SP140: variants seen among roughly 807,000 people sequenced by gnomAD.
SP140 encodes the protein SP140 nuclear body protein.
Under a neutral mutation model 125.0 loss-of-function variants are expected in SP140, and 81 were observed. The observed-to-expected ratio is 0.65, with a 90% CI of 0.54 to 0.78. SP140 has a LOEUF of 0.78. Ranked by LOEUF, SP140 falls within the 30% of genes least tolerant of loss-of-function variation. The pLI, the probability that SP140 is intolerant of heterozygous loss-of-function variation, is 0.00. For synonymous variants in SP140, 312 were observed against 354.0 expected, an observed-to-expected ratio of 0.88 and a Z score of 1.33; for missense variants, 858 against 1,037.0, an observed-to-expected ratio of 0.83 and a Z score of 2.37.
intron 1 of SP140, among the ~76,000 whole-genome samples, chr2:230,206,612 TA>T (rs2043871265): frequency 3.1e-5 from 2 of 64,670 alleles, no homozygotes; most frequent in Admixed American, 1.6e-4. Context: ...TATATATATA[TA>T]TATATATATA....
intron 18 of SP140, among the ~76,000 whole-genome samples, chr2:230,289,244 G>T (rs567787260): frequency 9.2e-5 from 14 of 152,270 alleles, no homozygotes; most frequent in Admixed American, 9.2e-4. Flanking sequence ...ATTCATGTTT[G>T]TTGGCCAGAT....
chr2:230,209,252 T>C (rs984813611), intron 1 of SP140, among the ~76,000 whole-genome samples: 1 of 152,018 alleles, frequency 6.6e-6, no homozygotes, highest in African/African-American at 2.4e-5. Context: ...AGGCCAAGAA[T>C]TGGTGGAGGA....
At chr2:230,239,314 G>A (rs1442515327) in intron 3 of SP140, among the ~76,000 whole-genome samples, 1 of 152,146 alleles carries the variant, frequency 6.6e-6, no homozygotes, top group Non-Finnish European at 1.5e-5. Flanking sequence ...TAGTATTTGT[G>A]TATAACCTAT....
In SP140 at chr2:230,241,421, C is replaced by T. The variant is rs889653281; in HGVS notation, c.424C>T (p.Pro142Ser). 3.1e-6 allele frequency: 5 copies of T among 1,595,534 alleles called. No homozygotes were observed. In the Admixed American group the frequency reaches 5.0e-5, roughly 16 times the overall value. ...TTCCTCAGTATGCTATGAACACTCA[C>T]CTCTCCAAATGAATAATGTAAACGA... ...SFQNVCYEHSPLQMNNVNDLE... is the reference protein window; with the variant it reads ...SFQNVCYEHSSLQMNNVNDLE... The change falls in exon 4 of 27, where the codon CCT becomes TCT. Residue 142 changes from proline (P) to serine (S), a missense_variant. Transcript: ENST00000392045.
At chr2:230,302,545 A>G (rs2058381153) in intron 22 of SP140, among the ~76,000 whole-genome samples, 1 of 152,264 alleles carries the variant, frequency 6.6e-6, no homozygotes, top group African/African-American at 2.4e-5. Flanking sequence ...TAAACTGTAC[A>G]CTAGAACAAA....
intron 12 of SP140, among the ~76,000 whole-genome samples, chr2:230,263,234 T>C (rs2052562747): frequency 6.6e-6 from 1 of 152,218 alleles, no homozygotes; most frequent in Non-Finnish European, 1.5e-5. Context: ...CTCTTTTAAC[T>C]GCTGTTGCCT....
chr2:230,309,239 C>T (rs13428676), intron 22 of SP140, among the ~76,000 whole-genome samples: 2,463 of 152,286 alleles, frequency 0.016, 68 homozygotes, highest in African/African-American at 0.055. Context: ...GGTGCTGTTA[C>T]CATTGTCCTT....
At chr2:230,263,344 G>A (rs758676712) in intron 12 of SP140, among the ~76,000 whole-genome samples, 3 of 152,158 alleles carry the variant, frequency 2.0e-5, no homozygotes, top group Non-Finnish European at 2.9e-5. Context: ...TTAAGTTTAT[G>A]CGAGTCCTTA....
At chr2:230,223,017 A>G (rs1473658921), upstream of SP140, among the ~76,000 whole-genome samples, 1 of 150,112 alleles carries the variant, frequency 6.7e-6, no homozygotes, top group South Asian at 2.1e-4. Context: ...TCTGATCAGC[A>G]TGATGTCATC....
the SP140 span, among the ~76,000 whole-genome samples, chr2:230,188,588 A>AT: frequency 6.6e-6 from 1 of 151,934 alleles, no homozygotes; most frequent in South Asian, 2.1e-4. Flanking sequence ...AATGCATTAG[A>AT]TTTTTTCCCA....
chr2:230,214,885 A>G (rs2044933569), intron 3 of SP140: 1 of 1,378,902 alleles, frequency 7.3e-7, no homozygotes. Context: ...CAGGGCTAGA[A>G]GTAAACCCAG....
At chr2:230,189,979 G>A in the SP140 span, among the ~76,000 whole-genome samples, 3 of 152,116 alleles carry the variant, frequency 2.0e-5, no homozygotes, top group African/African-American at 4.8e-5. Flanking sequence ...TTGGTTCCAC[G>A]TCTTTGCTAT....
intron 20 of SP140, among the ~76,000 whole-genome samples, 167 bp downstream of exon 20, chr2:230,292,955 T>A (rs907451568): frequency 6.6e-6 from 1 of 152,194 alleles, no homozygotes; most frequent in Non-Finnish European, 1.5e-5. Context: ...CACACTACAG[T>A]GCAACACATT....
chr2:230,227,186 G>A (rs1017223012), intron 1 of SP140, among the ~76,000 whole-genome samples: 1 of 152,198 alleles, frequency 6.6e-6, no homozygotes, highest in Non-Finnish European at 1.5e-5. Context: ...TTGGGACTCT[G>A]TGCTAAGGCT....
At chr2:230,288,655 G>A (rs2056770046) in intron 18 of SP140, among the ~76,000 whole-genome samples, 1 of 151,984 alleles carries the variant, frequency 6.6e-6, no homozygotes, top group African/African-American at 2.4e-5. Flanking sequence ...GGTGTGTGAT[G>A]TTCTGTCCCT....
At chr2:230,283,559 C>G (rs372385133) in intron 15 of SP140, among the ~76,000 whole-genome samples, 1 of 152,168 alleles carries the variant, frequency 6.6e-6, no homozygotes, top group East Asian at 1.9e-4. Flanking sequence ...ACAGAACACT[C>G]GCAATCCCCA....
At chr2:230,257,179 T>C (rs1361112324) in intron 12 of SP140, among the ~76,000 whole-genome samples, 1 of 151,858 alleles carries the variant, frequency 6.6e-6, no homozygotes, top group Non-Finnish European at 1.5e-5. Context: ...CTACCAGGGT[T>C]CAATGGAAAG....
chr2:230,245,508 A>G (rs752886251), intron 6 of SP140, among the ~76,000 whole-genome samples: 8 of 152,246 alleles, frequency 5.3e-5, no homozygotes, highest in Non-Finnish European at 1.0e-4. Context: ...GAATAGGGAT[A>G]TAACGGGGCA....
chr2:230,289,420 C>A (rs2056860912), intron 18 of SP140, among the ~76,000 whole-genome samples: 1 of 152,122 alleles, frequency 6.6e-6, no homozygotes. Context: ...GGTAGGCCAA[C>A]CATCTTTCTT....
Sources: allele counts gnomAD v4.1 joint callset (sites outside exome capture counted in the v4.1 genomes callset), GRCh38; gene constraint gnomAD v4.1.1; transcripts MANE v1.5; gene names NCBI Gene and HGNC (gene_info 2026-07-23, HGNC 2026-07-21).